DLGAP2: variants seen among roughly 807,000 people sequenced by gnomAD.
The protein encoded by DLGAP2 is DLG associated protein 2, also known as disks large-associated protein 2.
DLGAP2 carries 26 observed loss-of-function variants against 100.3 expected under a neutral mutation model. That is an observed-to-expected ratio of 0.26 (90% confidence interval 0.19 to 0.36). The LOEUF is 0.36. Ranked by LOEUF, DLGAP2 falls within the 10% of genes least tolerant of loss-of-function variation. The pLI is 1.00. For synonymous variants in DLGAP2, 886 were observed against 630.1 expected, an observed-to-expected ratio of 1.41 and a Z score of -6.08; for missense variants, 1,858 against 1,453.2, an observed-to-expected ratio of 1.28 and a Z score of -4.53.
intron 2 of DLGAP2, among the ~76,000 whole-genome samples, chr8:963,023 C>G (rs961817283): frequency 6.6e-6 from 1 of 152,218 alleles, no homozygotes; most frequent in Non-Finnish European, 1.5e-5. Context: ...CACAGCCATG[C>G]TGGCTGCTGT....
At chr8:990,443 G>T (rs1321942360) in intron 2 of DLGAP2, among the ~76,000 whole-genome samples, 22 of 27,848 alleles carry the variant, frequency 7.9e-4, no homozygotes, top group Non-Finnish European at 1.2e-3. Flanking sequence ...CATACTCGGA[G>T]TTCCTGTTCT....
chr8:1,681,547 T>G (rs115230837), intron 12 of DLGAP2, among the ~76,000 whole-genome samples: 1 of 152,000 alleles, frequency 6.6e-6, no homozygotes, highest in Non-Finnish European at 1.5e-5. Flanking sequence ...AGTCTCAGCT[T>G]CTCAGGAGGC....
chr8:1,059,923 G>A (rs573227475), intron 2 of DLGAP2, among the ~76,000 whole-genome samples: 1 of 152,296 alleles, frequency 6.6e-6, no homozygotes, highest in East Asian at 1.9e-4. Flanking sequence ...TGGATCGGGG[G>A]TATTCACAGC....
intron 2 of DLGAP2, among the ~76,000 whole-genome samples, chr8:1,188,193 T>C (rs1192045440): frequency 3.7e-3 from 193 of 51,934 alleles, no homozygotes; most frequent in Middle Eastern, 0.019. Flanking sequence ...CCGGGACCTC[T>C]GTGACGTTTC....
chr8:796,025 A>AGTGAGAGCAGCTG (rs1796029215), intron 1 of DLGAP2, among the ~76,000 whole-genome samples: 2 of 14,984 alleles, frequency 1.3e-4, no homozygotes, highest in African/African-American at 2.5e-4. Context: ...GAGAGCAGGC[A>AGTGAGAGCAGCTG]TCCAGTGAGA....
intron 1 of DLGAP2, among the ~76,000 whole-genome samples, chr8:820,421 A>C (rs182650176): frequency 6.6e-6 from 1 of 152,228 alleles, no homozygotes; most frequent in African/African-American, 2.4e-5. Context: ...TGACAAACTG[A>C]AAAAACATTT....
intron 12 of DLGAP2, among the ~76,000 whole-genome samples, chr8:1,688,927 A>G (rs1395305135): frequency 6.6e-6 from 1 of 152,196 alleles, no homozygotes; most frequent in Admixed American, 6.5e-5. Context: ...TATTACATGA[A>G]CATTAAGACC....
chr8:1,186,478 T>C (rs73537293), intron 2 of DLGAP2, among the ~76,000 whole-genome samples: 11,959 of 152,158 alleles, frequency 0.079, 1,388 homozygotes, highest in African/African-American at 0.25. Flanking sequence ...AGCCAGCGAG[T>C]ACCCATCAAC....
At chr8:905,674 C>T (rs1265202270) in intron 1 of DLGAP2, among the ~76,000 whole-genome samples, 1 of 152,094 alleles carries the variant, frequency 6.6e-6, no homozygotes, top group Non-Finnish European at 1.5e-5. Flanking sequence ...TTCTGTGTAT[C>T]GTCAGAATCC....
chr8:1,015,172 C>T (rs1439067504), intron 2 of DLGAP2, among the ~76,000 whole-genome samples: 8 of 16,524 alleles, frequency 4.8e-4, no homozygotes, highest in African/African-American at 2.2e-3. Context: ...GACGCCTCCA[C>T]TGTGTGTGTG....
chr8:1,033,754 C>T (rs1169576570), intron 2 of DLGAP2, among the ~76,000 whole-genome samples: 9 of 150,560 alleles, frequency 6.0e-5, no homozygotes, highest in East Asian at 2.0e-4. Flanking sequence ...ACACTCATCC[C>T]GACCCCGCGT....
chr8:1,214,971 G>C (rs900496222), intron 2 of DLGAP2, among the ~76,000 whole-genome samples: 1 of 152,156 alleles, frequency 6.6e-6, no homozygotes, highest in Admixed American at 6.5e-5. Context: ...GTGCAATCTC[G>C]TTTCGGGAGA....
At position 1,288,560 on chromosome 8, in the gene DLGAP2, G is replaced by GTGGTT. The variant is rs1306370608; in HGVS notation, c.106+29677_106+29678insTGGTT. On this transcript the variant is annotated intron_variant, in intron 3 of 14. Coordinates refer to ENST00000637795, the MANE Select transcript of DLGAP2 (RefSeq NM_001346810.2). The stretch of plus-strand genomic sequence containing the variant: ...GTTGAGTGTGTGTGTGTGTGTGTGT[G>GTGGTT]GTTAGGAGGGGAACTAGTTTCAGTT... 2.1e-3 allele frequency among the ~76,000 whole-genome samples: 263 copies of GTGGTT among 125,846 alleles called. 10 individuals carry two copies. The highest frequency in any genetic ancestry group is 8.0e-3 in the African/African-American group (251 of 31,256). The allele number at this position is 125,846 out of a possible 152,430, so 82.6% of individuals were successfully genotyped here. A position where few individuals can be genotyped will look rare whatever the true frequency, so the allele number is the denominator to read the frequency against.
At chr8:1,321,546 T>C (rs1800902551) in intron 3 of DLGAP2, among the ~76,000 whole-genome samples, 1 of 152,256 alleles carries the variant, frequency 6.6e-6, no homozygotes, top group South Asian at 2.1e-4. Flanking sequence ...CTCTGCCTTC[T>C]AAGTCCTGAG....
At chr8:1,237,166 A>T (rs1345614808) in intron 2 of DLGAP2, among the ~76,000 whole-genome samples, 2 of 127,434 alleles carry the variant, frequency 1.6e-5, no homozygotes. Flanking sequence ...CGCCGTGTCT[A>T]GTTCTCTCAC....
Position 780,234 on chromosome 8 carries a change from T to C in DLGAP2, c.18+42409T>C, listed in dbSNP as rs1821648698. ...TTTCAGATTCCACATATCCGTGAGA[T>C]CATGAGGCATCTGTCTTTATGTGCC... On this transcript the variant is annotated intron_variant, in intron 1 of 14. Transcript: ENST00000637795. 2.0e-5 allele frequency among the ~76,000 whole-genome samples: 3 copies of C among 152,192 alleles called. No individual in the cohort carries two copies. In the South Asian group the frequency reaches 6.2e-4, roughly 32 times the overall value.
intron 2 of DLGAP2, among the ~76,000 whole-genome samples, chr8:1,107,001 A>T (rs1015502959): frequency 6.6e-6 from 1 of 152,106 alleles, no homozygotes; most frequent in Non-Finnish European, 1.5e-5. Context: ...GAGAGAGTCT[A>T]TTAAACCGCA....
At chr8:1,181,204 CACTT>C (rs1797379829) in intron 2 of DLGAP2, among the ~76,000 whole-genome samples, 2 of 127,196 alleles carry the variant, frequency 1.6e-5, no homozygotes, top group Non-Finnish European at 3.4e-5. Flanking sequence ...AAGGGCAGTA[CACTT>C]ACTGTCGAGT....
At chr8:1,615,121 C>T (rs1451037328) in intron 6 of DLGAP2, among the ~76,000 whole-genome samples, 2 of 152,156 alleles carry the variant, frequency 1.3e-5, no homozygotes, top group African/African-American at 2.4e-5. Context: ...AGGGATGGAG[C>T]CATGGAGGGA....
Sources: allele counts gnomAD v4.1 joint callset (sites outside exome capture counted in the v4.1 genomes callset), GRCh38; gene constraint gnomAD v4.1.1; transcripts MANE v1.5; gene names NCBI Gene and HGNC (gene_info 2026-07-23, HGNC 2026-07-21).